The following CSNK2A2 variants were observed in gnomAD, a reference collection of about 807,000 sequenced individuals.
The protein encoded by CSNK2A2 is casein kinase II subunit alpha'.
A neutral mutation model predicts 54.0 loss-of-function variants in CSNK2A2; 8 were observed. The ratio of observed to expected loss-of-function variants is 0.15; its 90% confidence interval spans 0.09 to 0.27. The LOEUF (loss-of-function observed/expected upper bound fraction) is 0.27. Ranked by LOEUF, CSNK2A2 falls within the 10% of genes least tolerant of loss-of-function variation. The pLI, the probability that CSNK2A2 is intolerant of heterozygous loss-of-function variation, is 1.00. For synonymous variants in CSNK2A2, 141 were observed against 153.9 expected (o/e 0.92, Z 0.62); for missense variants, 242 against 439.4 (o/e 0.55, Z 4.02).
intron 4 of CSNK2A2, 61 bp from the exon 5 acceptor site, chr16:58,174,571 G>C (rs978491835): frequency 1.3e-5 from 17 of 1,347,776 alleles, no homozygotes; most frequent in Non-Finnish European, 1.8e-5. Context: ...GTCATCCTAA[G>C]TGCAGGCCAT....
chr16:58,181,370 G>A (rs952120496), intron 4 of CSNK2A2, among the ~76,000 whole-genome samples: 4 of 152,162 alleles, frequency 2.6e-5, no homozygotes, highest in African/African-American at 4.8e-5. Context: ...CACTGAAAAG[G>A]GGAGACTTAG....
chr16:58,186,832 G>A lies in CSNK2A2; in HGVS notation c.241C>T (p.Arg81Ter). 1 of 1,613,736 alleles carries A rather than the reference G, an allele frequency of 6.2e-7. No individual in the cohort carries two copies. Residue 81 changes from arginine to a stop codon, truncating the protein, a stop_gained, in exon 3 of 12, where the codon CGA becomes TGA. Transcript: ENST00000262506. LOFTEE classifies it high-confidence loss of function. ...LKPVKKKKIK[R>*]EVKILENLRG... is the part of the protein sequence containing the mutation. ...AGGTTCTCCAGAATCTTAACCTCTC[G>A]TTTTATCTTCTTTTTCTTCACTGGC...
At chr16:58,190,608 A>C (rs1397806905) in intron 2 of CSNK2A2, among the ~76,000 whole-genome samples, 2 of 152,052 alleles carry the variant, frequency 1.3e-5, no homozygotes, top group Non-Finnish European at 2.9e-5. Context: ...TACATGATCT[A>C]CTCCTTGAGG....
At chr16:58,167,393 C>T (rs933126690) in intron 7 of CSNK2A2, 85 bp from the exon 8 acceptor site, 2 of 1,033,590 alleles carry the variant, frequency 1.9e-6, no homozygotes, top group Admixed American at 2.5e-5. Flanking sequence ...CGAGATTGGG[C>T]GTGTTCAGGG....
intron 10 of CSNK2A2, among the ~76,000 whole-genome samples, chr16:58,164,410 T>C (rs1961501074): frequency 6.6e-6 from 1 of 152,216 alleles, no homozygotes; most frequent in Admixed American, 6.5e-5. Context: ...GAAACTCTAA[T>C]TTCCCACTGT....
At position 58,197,583 on chromosome 16, in the gene CSNK2A2, G is replaced by A. The variant is rs149021498; in HGVS notation, c.104+50C>T. ...CGAGTGCGGTTCGCAGGGGGTGGCC[G>A]GGCGGGGGCAGGGATCAGCGGGCCC... On this transcript the variant is annotated intron_variant, in intron 1 of 11. Coordinates refer to ENST00000262506, the MANE Select transcript of CSNK2A2 (RefSeq NM_001896.4). This position sits in a 1 kb window ranked among gnomAD's most constrained non-coding sequence, Gnocchi z 4.0. 107,382 of 1,339,928 alleles carry A rather than the reference G, an allele frequency of 0.08. 5,390 individuals carry two copies. Among genetic ancestry groups the A allele is most frequent in the South Asian group, 0.2 (15,275 of 76,166 alleles). The allele number at this position is 1,339,928 out of a possible 1,614,324, so 83.0% of individuals were successfully genotyped here.
At chr16:58,167,621 C>G in intron 7 of CSNK2A2, 64 bp downstream of exon 7, 3 of 1,258,492 alleles carry the variant, frequency 2.4e-6, no homozygotes, top group Admixed American at 1.7e-5. Flanking sequence ...ACTAGATCAA[C>G]AGCAAACCAG....
chr16:58,165,301 T>C (rs1362294841), intron 10 of CSNK2A2, among the ~76,000 whole-genome samples: 2 of 152,248 alleles, frequency 1.3e-5, no homozygotes, highest in African/African-American at 4.8e-5. Context: ...AAACTTGCGA[T>C]CTATTAACTC....
chr16:58,193,539 AAT>A (rs1962365507), intron 2 of CSNK2A2, among the ~76,000 whole-genome samples: 1 of 152,182 alleles, frequency 6.6e-6, no homozygotes, highest in Admixed American at 6.5e-5. Flanking sequence ...GTTTTTTAAA[AAT>A]AGTGTTGCTC....
chr16:58,182,112 C>T (rs1343013347), intron 4 of CSNK2A2, among the ~76,000 whole-genome samples: 1 of 152,052 alleles, frequency 6.6e-6, no homozygotes, highest in East Asian at 1.9e-4. Flanking sequence ...AAGAAAGCTA[C>T]AAGAGAATGT....
At chr16:58,166,563 C>G (rs1440057423) in intron 9 of CSNK2A2, 21 bp downstream of exon 9, 2 of 1,463,288 alleles carry the variant, frequency 1.4e-6, no homozygotes, top group Non-Finnish European at 1.9e-6. Flanking sequence ...GTAAAGCACT[C>G]TCTCTCTCTC....
intron 3 of CSNK2A2, among the ~76,000 whole-genome samples, chr16:58,184,745 T>C (rs193051023): frequency 8.5e-5 from 13 of 152,330 alleles, no homozygotes; most frequent in East Asian, 5.8e-4. Flanking sequence ...CAGTCTGCCA[T>C]ATACAAAAAA....
chr16:58,168,582 G>A lies in CSNK2A2; in HGVS notation c.513+28C>T, dbSNP rs372932882. On this transcript the variant is annotated intron_variant, in intron 6 of 11. Transcript: ENST00000262506. ...GGTCTGCTCTAAGCCTTTTAATCAAGCTTGTTGCTGCCTGGCTGTAATGGT... is the reference window on the plus strand; with the variant it reads ...GGTCTGCTCTAAGCCTTTTAATCAAACTTGTTGCTGCCTGGCTGTAATGGT... The A allele has an allele frequency of 2.0e-4, 313 of 1,596,096 alleles. 2 individuals are homozygous for A. Among genetic ancestry groups the A allele is most frequent in the Non-Finnish European group, 2.4e-4 (275 of 1,164,242 alleles).
intron 11 of CSNK2A2, chr16:58,160,373 C>T (rs1961304575): frequency 6.6e-6 from 1 of 152,108 alleles, no homozygotes; most frequent in South Asian, 2.1e-4. Context: ...AACACAGGTT[C>T]CTAAAGTAAC....
At chr16:58,184,235 A>G in intron 4 of CSNK2A2, 25 bp downstream of exon 4, 2 of 1,584,436 alleles carry the variant, frequency 1.3e-6, no homozygotes, top group Non-Finnish European at 1.7e-6. Context: ...CGTTAACCCC[A>G]TGCCAGAAAG....
intron 3 of CSNK2A2, 78 bp from the exon 4 acceptor site, chr16:58,184,388 C>G (rs1218393829): frequency 8.0e-6 from 8 of 1,004,308 alleles, no homozygotes; most frequent in Non-Finnish European, 1.2e-5. Flanking sequence ...AATGGCCCAT[C>G]CCCAAATCCT....
Position 58,189,971 on chromosome 16 carries a change from T to C in CSNK2A2, c.217-3115A>G, listed in dbSNP as rs537209394. On this transcript the variant is annotated intron_variant, in intron 2 of 11. Coordinates refer to ENST00000262506, the MANE Select transcript of CSNK2A2 (RefSeq NM_001896.4). ...AAAAGTTAGGATTTATGAGGGAGGA[T>C]TGTTGGTATCCTAAGGAAAATAAAC... Among the ~76,000 whole-genome samples the C allele has an allele frequency of 6.7e-4, 102 of 152,324 alleles. 1 individual carries two copies. Among genetic ancestry groups the C allele is most frequent in the African/African-American group, 8.4e-4 (35 of 41,566 alleles).
At chr16:58,178,109 G>A (rs1043696935) in intron 4 of CSNK2A2, among the ~76,000 whole-genome samples, 4 of 152,064 alleles carry the variant, frequency 2.6e-5, no homozygotes, top group African/African-American at 4.8e-5. Context: ...GAATTAACAA[G>A]GCCTCACATT....
intron 2 of CSNK2A2, 92 bp from the exon 3 acceptor site, chr16:58,186,948 C>T (rs750449383): frequency 1.4e-4 from 136 of 973,360 alleles, no homozygotes; most frequent in Middle Eastern, 9.1e-4. Flanking sequence ...ATGGATAGTA[C>T]GCTATCTTGT....
Sources: allele counts gnomAD v4.1 joint callset (sites outside exome capture counted in the v4.1 genomes callset), GRCh38; gene constraint gnomAD v4.1.1; non-coding constraint Gnocchi (gnomAD v3.1); transcripts MANE v1.5; gene names NCBI Gene and HGNC (gene_info 2026-07-23, HGNC 2026-07-21).